The following ADORA2B variants were observed in gnomAD, a reference collection of about 807,000 sequenced individuals.
The protein encoded by ADORA2B is adenosine A2b receptor, also known as adenosine receptor A2b.
In ADORA2B, 18 loss-of-function variants were observed where a neutral mutation model predicts 20.8. That is an observed-to-expected ratio of 0.87 (90% CI 0.60 to 1.29). The LOEUF (loss-of-function observed/expected upper bound fraction) is 1.29. Ranked by LOEUF, ADORA2B falls within the 50% of genes most tolerant of loss-of-function variation. The probability of loss-of-function intolerance (pLI) is 0.00; values close to 1 mark genes in which losing one functional copy is unlikely to be tolerated. For missense variants in ADORA2B, 441 were observed against 422.7 expected (o/e 1.04, Z -0.38); for synonymous variants, 179 against 178.3 (o/e 1.00, Z -0.03).
At chr17:15,927,419 G>C in the ADORA2B span, among the ~76,000 whole-genome samples, 435 of 152,162 alleles carry the variant, frequency 2.9e-3, 4 homozygotes, top group Middle Eastern at 0.01. Flanking sequence ...GGAGGCAGAG[G>C]CTGCAGTGAG....
At chr17:15,885,438 G>T in the ADORA2B span, among the ~76,000 whole-genome samples, 1 of 152,314 alleles carries the variant, frequency 6.6e-6, no homozygotes, top group Admixed American at 6.5e-5. Flanking sequence ...TGCAGGCCAG[G>T]CGTGGTGCGT....
At chr17:15,941,907 G>A (rs914632645), upstream of ADORA2B, among the ~76,000 whole-genome samples, 2 of 152,136 alleles carry the variant, frequency 1.3e-5, no homozygotes, top group South Asian at 2.1e-4. Context: ...AGGGGTTGAA[G>A]GAGTCAGGAA....
the ADORA2B span, among the ~76,000 whole-genome samples, chr17:15,872,846 C>T: frequency 2.6e-5 from 4 of 152,126 alleles, no homozygotes; most frequent in Non-Finnish European, 5.9e-5. Flanking sequence ...ATATCATCTG[C>T]AAATAGAGAT....
chr17:15,860,706 C>T, the ADORA2B span: 2 of 152,278 alleles, frequency 1.3e-5, no homozygotes, highest in Non-Finnish European at 2.9e-5. Flanking sequence ...ACATCAGAAG[C>T]ATATATATGT....
chr17:15,891,242 G>A, the ADORA2B span, among the ~76,000 whole-genome samples: 1 of 152,196 alleles, frequency 6.6e-6, no homozygotes, highest in African/African-American at 2.4e-5. Context: ...ACTCCAGCCT[G>A]GGTGACAGAG....
intron 1 of ADORA2B, among the ~76,000 whole-genome samples, chr17:15,963,299 G>A (rs1367737067): frequency 6.6e-6 from 1 of 152,182 alleles, no homozygotes; most frequent in Admixed American, 6.5e-5. Context: ...GATACTTACA[G>A]TCCCCAAACA....
At chr17:15,946,147 G>A (rs1204412579) in intron 1 of ADORA2B, among the ~76,000 whole-genome samples, 1 of 152,250 alleles carries the variant, frequency 6.6e-6, no homozygotes, top group East Asian at 1.9e-4. Context: ...CTGCGGAGAG[G>A]CGGCCCGGCC....
At chr17:15,902,974 G>A in the ADORA2B span, among the ~76,000 whole-genome samples, 1 of 152,118 alleles carries the variant, frequency 6.6e-6, no homozygotes, top group Non-Finnish European at 1.5e-5. Flanking sequence ...TGATCTGGGA[G>A]GTGATTATAT....
the ADORA2B span, among the ~76,000 whole-genome samples, chr17:15,861,516 A>C: frequency 6.6e-6 from 1 of 152,162 alleles, no homozygotes; most frequent in Non-Finnish European, 1.5e-5. Context: ...AGTTTGTGGG[A>C]TTTTATTCCT....
At chr17:15,857,599 T>C in the ADORA2B span, among the ~76,000 whole-genome samples, 1 of 152,284 alleles carries the variant, frequency 6.6e-6, no homozygotes, top group African/African-American at 2.4e-5. Context: ...CTTGGATCAG[T>C]GTGACCTGAT....
At chr17:15,942,283 C>T (rs979504475), upstream of ADORA2B, among the ~76,000 whole-genome samples, 5 of 151,908 alleles carry the variant, frequency 3.3e-5, no homozygotes, top group African/African-American at 1.2e-4. Context: ...TCACTAGATC[C>T]GGTTGTTAAA....
the ADORA2B span, among the ~76,000 whole-genome samples, chr17:15,913,735 C>G: frequency 6.6e-6 from 1 of 152,228 alleles, no homozygotes; most frequent in African/African-American, 2.4e-5. Flanking sequence ...GCCTGGACAT[C>G]TTGCAGTGTT....
chr17:15,856,547 A>G, the ADORA2B span, among the ~76,000 whole-genome samples: 7 of 152,254 alleles, frequency 4.6e-5, no homozygotes, highest in African/African-American at 1.7e-4. Flanking sequence ...TGGAGGGCTC[A>G]GAACAAGATA....
At chr17:15,893,473 C>T in the ADORA2B span, among the ~76,000 whole-genome samples, 1,057 of 151,348 alleles carry the variant, frequency 7.0e-3, 17 homozygotes, top group African/African-American at 0.024. Flanking sequence ...ATCAGCCCTT[C>T]CTTCCTTCCT....
chr17:15,890,803 C>G, the ADORA2B span, among the ~76,000 whole-genome samples: 1 of 152,220 alleles, frequency 6.6e-6, no homozygotes, highest in East Asian at 1.9e-4. Context: ...CCGAAGCAGC[C>G]CATTTTATGG....
chr17:15,974,697 G>A lies in ADORA2B; in HGVS notation c.354G>A (p.Thr118=), dbSNP rs79073029. 7.8e-4 allele frequency: 1,259 copies of A among 1,613,216 alleles called. 8 individuals are homozygous for A. The African/African-American group carries it at 0.013, about 17-fold the overall frequency. Residue 118 remains threonine, a synonymous_variant, in exon 2 of 2, where the codon ACG becomes ACA. Transcript: ENST00000304222. ...TAAACAGGTATAAAAGTTTGGTCACGGGGACCCGAGCAAGAGGGGTCATTG... is the reference window on the plus strand; with the variant it reads ...TAAACAGGTATAAAAGTTTGGTCACAGGGACCCGAGCAAGAGGGGTCATTG... ...CVPLRYKSLV[T]GTRARGVIAV... is the part of the protein sequence containing the mutation.
At chr17:15,934,846 G>T in the ADORA2B span, among the ~76,000 whole-genome samples, 1 of 152,046 alleles carries the variant, frequency 6.6e-6, no homozygotes, top group Non-Finnish European at 1.5e-5. Context: ...TCGCCCTGTT[G>T]CCCAAAGTGG....
At chr17:15,867,611 G>A in the ADORA2B span, among the ~76,000 whole-genome samples, 5,897 of 149,216 alleles carry the variant, frequency 0.04, 472 homozygotes, top group African/African-American at 0.14. Flanking sequence ...ACCCCGTCGG[G>A]AAGGGAGGCG....
the ADORA2B span, among the ~76,000 whole-genome samples, chr17:15,851,187 AT>A: frequency 6.6e-6 from 1 of 150,500 alleles, no homozygotes; most frequent in Non-Finnish European, 1.5e-5. Flanking sequence ...ATCAAGATTC[AT>A]TTGCAAATAT....
Sources: allele counts gnomAD v4.1 joint callset (sites outside exome capture counted in the v4.1 genomes callset), GRCh38; gene constraint gnomAD v4.1.1; transcripts MANE v1.5; gene names NCBI Gene and HGNC (gene_info 2026-07-23, HGNC 2026-07-21).